EPHA3: variants seen among roughly 807,000 people sequenced by gnomAD.
EPHA3 encodes the protein ephrin type-A receptor 3.
Under a neutral mutation model 107.1 loss-of-function variants are expected in EPHA3, and 42 were observed. The observed-to-expected ratio is 0.39, with a 90% CI of 0.31 to 0.51. The LOEUF (loss-of-function observed/expected upper bound fraction) is 0.51, where lower values mean the gene tolerates loss of function less well. Ranked by LOEUF, EPHA3 falls within the 20% of genes least tolerant of loss-of-function variation. The pLI is 0.78. For synonymous variants in EPHA3, 461 were observed against 424.8 expected, an observed-to-expected ratio of 1.09 and a Z score of -1.05; for missense variants, 1,183 against 1,211.2, an observed-to-expected ratio of 0.98 and a Z score of 0.35.
chr3:89,387,526 C>T (rs1197391062), intron 5 of EPHA3, among the ~76,000 whole-genome samples: 1 of 152,090 alleles, frequency 6.6e-6, no homozygotes, highest in African/African-American at 2.4e-5. Context: ...TTGGGCAGTG[C>T]TTTATAGCAG....
chr3:89,129,411 CA>C (rs1306449805), intron 2 of EPHA3, among the ~76,000 whole-genome samples: 1 of 152,004 alleles, frequency 6.6e-6, no homozygotes, highest in Non-Finnish European at 1.5e-5. Flanking sequence ...AGAAAAGAGA[CA>C]CTCCCCAATA....
chr3:89,153,418 G>GA (rs1704730109), intron 2 of EPHA3, among the ~76,000 whole-genome samples: 1 of 151,966 alleles, frequency 6.6e-6, no homozygotes, highest in South Asian at 2.1e-4. Context: ...ATATTAAAAG[G>GA]AAAAAAGTTG....
chr3:89,234,832 CCTTT>C (rs1266326046), intron 3 of EPHA3, among the ~76,000 whole-genome samples: 1 of 106,450 alleles, frequency 9.4e-6, no homozygotes, highest in African/African-American at 3.7e-5. Flanking sequence ...CCTTTCCTTT[CCTTT>C]CTTTCCTTCC....
intron 3 of EPHA3, among the ~76,000 whole-genome samples, chr3:89,265,105 G>C (rs1378530837): frequency 6.6e-6 from 1 of 152,040 alleles, no homozygotes; most frequent in Non-Finnish European, 1.5e-5. Context: ...CAACAATATA[G>C]AGAGACTCTC....
At chr3:89,236,629 C>G (rs1305567687) in intron 3 of EPHA3, among the ~76,000 whole-genome samples, 1 of 149,508 alleles carries the variant, frequency 6.7e-6, no homozygotes, top group East Asian at 2.0e-4. Context: ...ATACCTAATG[C>G]TAGAGGACGA....
chr3:89,205,678 G>A (rs1042810321), intron 2 of EPHA3, among the ~76,000 whole-genome samples: 22 of 152,208 alleles, frequency 1.4e-4, no homozygotes, highest in African/African-American at 5.1e-4. Context: ...TCTTTTGTTT[G>A]TATCCCCTTC....
At chr3:89,311,407 A>G (rs1706763141) in intron 3 of EPHA3, among the ~76,000 whole-genome samples, 1 of 152,020 alleles carries the variant, frequency 6.6e-6, no homozygotes, top group Admixed American at 6.6e-5. Flanking sequence ...AAGTGAAACC[A>G]TGCAAACTTT....
intron 3 of EPHA3, among the ~76,000 whole-genome samples, chr3:89,319,540 GA>G (rs1706991978): frequency 6.6e-6 from 1 of 151,860 alleles, no homozygotes; most frequent in African/African-American, 2.4e-5. Context: ...ACAAACAGGA[GA>G]GCTGCGTAGT....
intron 9 of EPHA3, among the ~76,000 whole-genome samples, chr3:89,408,910 T>G (rs1212837484): frequency 2.6e-5 from 4 of 152,058 alleles, no homozygotes; most frequent in Non-Finnish European, 5.9e-5. Context: ...TTGTAAGCAT[T>G]AATTTTTTTA....
chr3:89,358,532 A>G (rs1297915687), intron 5 of EPHA3, among the ~76,000 whole-genome samples: 1 of 151,000 alleles, frequency 6.6e-6, no homozygotes, highest in Non-Finnish European at 1.5e-5. Context: ...GGAGCTCTCA[A>G]TTTAGGACAT....
intron 3 of EPHA3, among the ~76,000 whole-genome samples, chr3:89,333,486 G>T (rs1358869832): frequency 6.6e-6 from 1 of 152,074 alleles, no homozygotes; most frequent in African/African-American, 2.4e-5. Context: ...AATAAGTTTT[G>T]GTGTTTGCTC....
intron 2 of EPHA3, among the ~76,000 whole-genome samples, chr3:89,142,867 A>C (rs1704460620): frequency 6.6e-6 from 1 of 151,430 alleles, no homozygotes; most frequent in Non-Finnish European, 1.5e-5. Context: ...CCTTTTCAAA[A>C]AAGAGCATGG....
chr3:89,315,774 T>C (rs894602770), intron 3 of EPHA3, among the ~76,000 whole-genome samples: 2 of 151,934 alleles, frequency 1.3e-5, no homozygotes, highest in African/African-American at 4.8e-5. Context: ...GTAAGTCTAA[T>C]TGTGATAGAT....
intron 5 of EPHA3, among the ~76,000 whole-genome samples, chr3:89,374,828 T>C (rs1708372860): frequency 6.6e-6 from 1 of 151,582 alleles, no homozygotes; most frequent in Non-Finnish European, 1.5e-5. Flanking sequence ...AAAACTAAAT[T>C]TTTGGTTCAG....
rs1427189529 is a variant in EPHA3 at position 89,246,876 on chromosome 3, C to A, written c.814+36356C>A. The stretch of plus-strand genomic sequence containing the variant: ...AAGGTTGGTTTAATGTCCTTTGGAG[C>A]AGTAGATTTTCCTGCTGGACAATTT... On this transcript the variant is annotated intron_variant, in intron 3 of 16. Transcript: ENST00000336596. 3.9e-5 allele frequency among the ~76,000 whole-genome samples: 6 copies of A among 152,126 alleles called. No homozygotes were observed. In the East Asian group the frequency reaches 1.2e-3, roughly 29 times the overall value.
intron 2 of EPHA3, among the ~76,000 whole-genome samples, chr3:89,152,973 T>A (rs1704720928): frequency 6.6e-6 from 1 of 152,098 alleles, no homozygotes; most frequent in African/African-American, 2.4e-5. Context: ...TTCATAAATA[T>A]CATGTGTGTA....
intron 5 of EPHA3, among the ~76,000 whole-genome samples, chr3:89,369,888 C>CA (rs750899028): frequency 7.6e-6 from 1 of 132,156 alleles, no homozygotes; most frequent in African/African-American, 2.9e-5. Context: ...TTTATGCAGC[C>CA]AAAAAACACA....
intron 3 of EPHA3, among the ~76,000 whole-genome samples, chr3:89,233,168 T>A (rs943739666): frequency 1.3e-5 from 2 of 152,162 alleles, no homozygotes; most frequent in Non-Finnish European, 2.9e-5. Flanking sequence ...TTGAAATATA[T>A]ATATATACAC....
chr3:89,426,604 T>C (rs1212324520), intron 11 of EPHA3, among the ~76,000 whole-genome samples: 1 of 151,726 alleles, frequency 6.6e-6, no homozygotes, highest in African/African-American at 2.4e-5. Flanking sequence ...TTTATTTCCC[T>C]TCCCAAACAT....
Sources: gnomAD v4.1 joint callset for allele counts (sites outside exome capture counted in the v4.1 genomes callset) on GRCh38, gnomAD v4.1.1 for gene constraint, MANE v1.5 for transcripts, NCBI Gene and HGNC (gene_info 2026-07-23, HGNC 2026-07-21) for gene names.